The following SEMA5A variants were observed in gnomAD, a reference collection of about 807,000 sequenced individuals.
SEMA5A encodes the protein semaphorin 5A.
Under a neutral mutation model 135.5 loss-of-function variants are expected in SEMA5A, and 55 were observed. That is an observed-to-expected ratio of 0.41 (90% confidence interval 0.33 to 0.51). The LOEUF is 0.51. Ranked by LOEUF, SEMA5A falls within the 20% of genes least tolerant of loss-of-function variation. The pLI is 0.37. For missense variants in SEMA5A, 1,290 were observed against 1,419.9 expected (o/e 0.91, Z 1.47); for synonymous variants, 580 against 546.5 (o/e 1.06, Z -0.85).
chr5:9,178,403 G>C (rs1327372344), intron 11 of SEMA5A, among the ~76,000 whole-genome samples: 1 of 149,454 alleles, frequency 6.7e-6, no homozygotes, highest in African/African-American at 2.5e-5. Context: ...TGCAGTCTTG[G>C]GTCACTGCAA....
chr5:9,415,636 G>C (rs1757257869), intron 2 of SEMA5A, among the ~76,000 whole-genome samples: 1 of 152,116 alleles, frequency 6.6e-6, no homozygotes, highest in South Asian at 2.1e-4. Context: ...GAGAAAAAAA[G>C]TACTTCCAGA....
At chr5:9,237,466 A>G (rs1191502865) in intron 6 of SEMA5A, among the ~76,000 whole-genome samples, 2 of 152,210 alleles carry the variant, frequency 1.3e-5, no homozygotes, top group Non-Finnish European at 2.9e-5. Flanking sequence ...TTGTCATATC[A>G]TTACTTTCTA....
chr5:9,470,521 A>T (rs1249570850), intron 1 of SEMA5A, among the ~76,000 whole-genome samples: 1 of 152,060 alleles, frequency 6.6e-6, no homozygotes, highest in Non-Finnish European at 1.5e-5. Context: ...AAAACAAAAA[A>T]CTCATACAGG....
At chr5:9,258,803 C>CT (rs748703578) in intron 5 of SEMA5A, among the ~76,000 whole-genome samples, 3,630 of 48,798 alleles carry the variant, frequency 0.074, 418 homozygotes, top group East Asian at 0.22. Flanking sequence ...TTCTTTCTTT[C>CT]TTTTTTTTTT....
chr5:9,212,557 G>A (rs1050102177), intron 8 of SEMA5A, among the ~76,000 whole-genome samples: 1 of 152,228 alleles, frequency 6.6e-6, no homozygotes, highest in Non-Finnish European at 1.5e-5. Flanking sequence ...GGGGGGCTAA[G>A]TGAGATGAGG....
chr5:9,466,839 C>T (rs1186203345), intron 1 of SEMA5A, among the ~76,000 whole-genome samples: 9 of 152,226 alleles, frequency 5.9e-5, no homozygotes, highest in African/African-American at 2.2e-4. Flanking sequence ...AAATACTCTT[C>T]AAAGTCATTG....
chr5:9,506,451 C>T (rs1402722931), intron 1 of SEMA5A, among the ~76,000 whole-genome samples: 1 of 152,174 alleles, frequency 6.6e-6, no homozygotes, highest in African/African-American at 2.4e-5. Context: ...TCCAGACAGT[C>T]TTACAAGGTT....
chr5:9,395,467 TCTTA>T (rs1159538214), intron 2 of SEMA5A, among the ~76,000 whole-genome samples: 1 of 152,200 alleles, frequency 6.6e-6, no homozygotes, highest in Non-Finnish European at 1.5e-5. Flanking sequence ...ACCTGCTACC[TCTTA>T]CTTGCTAGAC....
chr5:9,197,730 G>GTATGTGTGTGTGTGTT (rs1554001547), intron 9 of SEMA5A, among the ~76,000 whole-genome samples: 87 of 103,308 alleles, frequency 8.4e-4, no homozygotes, highest in South Asian at 1.4e-3. Flanking sequence ...AAAGCTGTTT[G>GTATGTGTGTGTGTGTT]TGTGTGTGTG....
chr5:9,408,652 A>G (rs1756988772), intron 2 of SEMA5A, among the ~76,000 whole-genome samples: 1 of 152,102 alleles, frequency 6.6e-6, no homozygotes, highest in South Asian at 2.1e-4. Context: ...GCACAACACA[A>G]CGGTTACTAT....
rs58827856 is a variant in SEMA5A at position 9,211,568 on chromosome 5, C to T, written c.647-9328G>A. On this transcript the variant is annotated intron_variant, in intron 8 of 22. Coordinates refer to ENST00000382496, the MANE Select transcript of SEMA5A (RefSeq NM_003966.3). The stretch of plus-strand genomic sequence containing the variant: ...CCCAGGTTGGAGCCCAACAAAGTCA[C>T]GCCACCCTAGCTGTGCTCAGGCTGT... 9.3e-3 allele frequency among the ~76,000 whole-genome samples: 1,414 copies of T among 152,212 alleles called. 24 individuals are homozygous for T. Among genetic ancestry groups the T allele is most frequent in the African/African-American group, 0.032 (1,344 of 41,524 alleles).
chr5:9,138,716 T>C (rs1386515441), intron 12 of SEMA5A, among the ~76,000 whole-genome samples: 2 of 152,174 alleles, frequency 1.3e-5, no homozygotes, highest in African/African-American at 4.8e-5. Flanking sequence ...GTATACAATA[T>C]CCACTGCATC....
chr5:9,521,327 T>C (rs963288102), intron 1 of SEMA5A, among the ~76,000 whole-genome samples: 1 of 152,090 alleles, frequency 6.6e-6, no homozygotes, highest in African/African-American at 2.4e-5. Context: ...GGAGAATCAC[T>C]TGAACCCAGG....
chr5:9,065,379 G>C (rs1194622450), intron 17 of SEMA5A, among the ~76,000 whole-genome samples: 1 of 152,080 alleles, frequency 6.6e-6, no homozygotes, highest in African/African-American at 2.4e-5. Flanking sequence ...GCAACACCAA[G>C]GAGATCTACC....
At chr5:9,162,030 T>C (rs1743284064) in intron 11 of SEMA5A, among the ~76,000 whole-genome samples, 1 of 152,214 alleles carries the variant, frequency 6.6e-6, no homozygotes, top group African/African-American at 2.4e-5. Context: ...GTGAATGCCA[T>C]GTAGGTAGTT....
chr5:9,249,762 G>T (rs995503424), intron 5 of SEMA5A, among the ~76,000 whole-genome samples: 13 of 152,166 alleles, frequency 8.5e-5, no homozygotes, highest in Non-Finnish European at 1.6e-4. Context: ...TTCTTAGGGA[G>T]GTCAAGGCTT....
At chr5:9,330,416 G>T (rs1380741101) in intron 4 of SEMA5A, among the ~76,000 whole-genome samples, 1 of 149,076 alleles carries the variant, frequency 6.7e-6, no homozygotes, top group East Asian at 2.0e-4. Context: ...GTACAGATTA[G>T]TTTTTTTTGT....
chr5:9,221,315 T>A (rs1746946907), intron 8 of SEMA5A, among the ~76,000 whole-genome samples: 1 of 148,198 alleles, frequency 6.7e-6, no homozygotes, highest in African/African-American at 2.5e-5. Flanking sequence ...TTTTTTTTTT[T>A]TTTTTGAGAC....
In SEMA5A at chr5:9,044,391, G is replaced by C. The variant is rs1296754612; in HGVS notation, c.3087C>G (p.Asp1029Glu). ...CACTTACCTTGATGGCCTCCACCGA[G>C]TCGTACTTGTCCAGTTTGTTGATGT... ...TNHINKLDKYDSVEAIKAFNK... is the reference protein window; with the variant it reads ...TNHINKLDKYESVEAIKAFNK... Residue 1029 changes from aspartate (D) to glutamate (E), a missense_variant, in exon 22 of 23, where the codon GAC becomes GAG. Coordinates refer to ENST00000382496, the MANE Select transcript of SEMA5A (RefSeq NM_003966.3). 2 of 1,613,312 alleles carry C rather than the reference G, an allele frequency of 1.2e-6. No homozygotes were observed. Among genetic ancestry groups the C allele is most frequent in the Admixed American group, 3.3e-5 (2 of 60,008 alleles).
Sources: allele counts gnomAD v4.1 joint callset (sites outside exome capture counted in the v4.1 genomes callset), GRCh38; gene constraint gnomAD v4.1.1; transcripts MANE v1.5; gene names NCBI Gene and HGNC (gene_info 2026-07-23, HGNC 2026-07-21).